ANK3: variants seen among roughly 807,000 people sequenced by gnomAD.
ANK3 encodes the protein ankyrin-3.
ANK3 carries 57 observed loss-of-function variants against 370.9 expected under a neutral mutation model. The observed-to-expected ratio is 0.15, with a 90% CI of 0.12 to 0.19. ANK3 has a LOEUF of 0.19. Ranked by LOEUF, ANK3 falls within the 10% of genes least tolerant of loss-of-function variation. The pLI is 1.00. For missense variants in ANK3, 4,439 were observed against 5,302.1 expected, an observed-to-expected ratio of 0.84 and a Z score of 5.06; for synonymous variants, 1,929 against 1,946.3, an observed-to-expected ratio of 0.99 and a Z score of 0.23.
At chr10:60,057,624 C>T (rs989027439) in intron 41 of ANK3, among the ~76,000 whole-genome samples, 4 of 152,110 alleles carry the variant, frequency 2.6e-5, no homozygotes, top group African/African-American at 4.8e-5. Context: ...GTTCTCCTAC[C>T]CTGCATATTC....
At chr10:60,682,461 T>C (rs565441563) in intron 1 of ANK3, among the ~76,000 whole-genome samples, 1 of 152,076 alleles carries the variant, frequency 6.6e-6, no homozygotes, top group Non-Finnish European at 1.5e-5. Flanking sequence ...AGTTCCTGGC[T>C]CCGGACTCCC....
intron 1 of ANK3, among the ~76,000 whole-genome samples, chr10:60,352,122 C>T (rs1308256724): frequency 3.9e-5 from 6 of 152,074 alleles, no homozygotes; most frequent in Non-Finnish European, 4.4e-5. Context: ...ATGGTGAAAC[C>T]GTGTCTCTTC....
chr10:60,272,526 C>T (rs894299319), intron 4 of ANK3, among the ~76,000 whole-genome samples: 6 of 151,834 alleles, frequency 4.0e-5, no homozygotes, highest in Non-Finnish European at 8.8e-5. Flanking sequence ...GTCGCCCAAG[C>T]TGGAGTGCAG....
chr10:60,653,130 G>A lies in ANK3; in HGVS notation c.58-37906C>T, dbSNP rs77343033. Among the ~76,000 whole-genome samples, 498 of 151,988 alleles carry A rather than the reference G, an allele frequency of 3.3e-3. 4 individuals carry two copies. The highest frequency in any genetic ancestry group is 0.011 in the African/African-American group (466 of 41,450). On this transcript the variant is annotated intron_variant, in intron 1 of 43. Transcript: ENST00000373827. ...TTTCTGTTTTCTTAATATTTTTCAA[G>A]AAGCAAAAGTTTTTATCCTGAGAGT...
intron 19 of ANK3, 39 bp downstream of exon 19, chr10:60,173,049 T>C (rs765895918): frequency 6.2e-7 from 1 of 1,610,420 alleles, no homozygotes; most frequent in Non-Finnish European, 8.5e-7. Flanking sequence ...GAAGCAAAAA[T>C]AAATGATTCT....
intron 1 of ANK3, among the ~76,000 whole-genome samples, chr10:60,638,256 A>G (rs918360064): frequency 1.3e-5 from 2 of 152,180 alleles, no homozygotes; most frequent in African/African-American, 4.8e-5. Context: ...CATCAGCCAG[A>G]GTGGAGAGAC....
chr10:60,162,305 G>C (rs886164706), intron 23 of ANK3, among the ~76,000 whole-genome samples: 1 of 152,070 alleles, frequency 6.6e-6, no homozygotes, highest in Non-Finnish European at 1.5e-5. Context: ...CTAGACTTTG[G>C]GGGCAGGGGA....
rs1589171549 is a variant in ANK3, at chr10:60,044,148, G to A, written c.13066-1389C>T. 6.1e-6 allele frequency: 6 copies of A among 985,436 alleles called. No homozygotes were observed. In the South Asian group the frequency reaches 1.9e-4, roughly 31 times the overall value. The allele number at this position is 985,436 out of a possible 1,614,324, so 61.0% of individuals were successfully genotyped here. A position where few individuals can be genotyped will look rare whatever the true frequency, so the allele number is the denominator to read the frequency against. ...TTCCGAGTGATCTGTAGGAAGTAAT[G>A]GTGAAAAGTAGAGATTTTTCTGTTT... On this transcript the variant is annotated intron_variant, in intron 42 of 43. Coordinates refer to ENST00000280772, the MANE Select transcript of ANK3 (RefSeq NM_020987.5).
chr10:60,622,904 C>A (rs1177806227), intron 1 of ANK3, among the ~76,000 whole-genome samples: 2 of 152,146 alleles, frequency 1.3e-5, no homozygotes, highest in African/African-American at 4.8e-5. Flanking sequence ...GCATACTGAC[C>A]AAAGAACGCA....
chr10:60,210,593 C>T (rs1021599406), intron 9 of ANK3, among the ~76,000 whole-genome samples: 1 of 152,190 alleles, frequency 6.6e-6, no homozygotes, highest in African/African-American at 2.4e-5. Flanking sequence ...TGATCAAACA[C>T]AGCAGGTGTA....
chr10:60,480,805 T>C (rs974628519), intron 2 of ANK3, among the ~76,000 whole-genome samples: 1 of 152,208 alleles, frequency 6.6e-6, no homozygotes, highest in Non-Finnish European at 1.5e-5. Flanking sequence ...TCCCCCAAGC[T>C]CTGTGCAAAC....
Position 60,108,912 on chromosome 10 carries a change from C to G in ANK3, c.3091G>C (p.Ala1031Pro), listed in dbSNP as rs1331681162. Reference sequence around the variant, plus strand: ...CCTTCCACCATGGGGGGTGGGTTGGCCAGTTTATGTCTCTTTACCAAACGG... The same window carrying G: ...CCTTCCACCATGGGGGGTGGGTTGGGCAGTTTATGTCTCTTTACCAAACGG... ...TCRLVKRHKLANPPPMVEGEG... is the reference protein window; with the variant it reads ...TCRLVKRHKLPNPPPMVEGEG... Residue 1031 changes from alanine (A) to proline (P), a missense_variant, in exon 27 of 44, where the codon GCC (alanine) becomes CCC (proline). Coordinates refer to ENST00000280772, the MANE Select transcript of ANK3 (RefSeq NM_020987.5). The G allele has an allele frequency of 9.9e-6, 16 of 1,614,064 alleles. No individual in the cohort carries two copies. The highest frequency in any genetic ancestry group is 1.4e-5 in the Non-Finnish European group (16 of 1,179,986).
intron 11 of ANK3, among the ~76,000 whole-genome samples, chr10:60,204,943 GAC>G (rs1291510582): frequency 6.6e-6 from 1 of 152,148 alleles, no homozygotes; most frequent in Non-Finnish European, 1.5e-5. Flanking sequence ...AAGGGGGTGT[GAC>G]ACACAGAGGC....
At chr10:60,333,655 T>A (rs1593976343) in intron 1 of ANK3, among the ~76,000 whole-genome samples, 1 of 152,220 alleles carries the variant, frequency 6.6e-6, no homozygotes, top group Non-Finnish European at 1.5e-5. Context: ...CCTTTGGGTA[T>A]ACACCCAGTA....
At chr10:60,142,471 C>T (rs1443246912) in intron 23 of ANK3, among the ~76,000 whole-genome samples, 1 of 152,010 alleles carries the variant, frequency 6.6e-6, no homozygotes, top group Non-Finnish European at 1.5e-5. Flanking sequence ...TGGAAGTTCT[C>T]ATAAATAATC....
chr10:60,320,896 G>A (rs1382699745), intron 1 of ANK3, among the ~76,000 whole-genome samples: 1 of 152,064 alleles, frequency 6.6e-6, no homozygotes, highest in Admixed American at 6.6e-5. Context: ...ACTCTCTACT[G>A]GGTATGTGTA....
intron 1 of ANK3, among the ~76,000 whole-genome samples, chr10:60,631,266 C>G (rs1487478945): frequency 6.6e-6 from 1 of 152,028 alleles, no homozygotes; most frequent in East Asian, 1.9e-4. Flanking sequence ...TGGTGGCTCA[C>G]GCCTGTAATC....
chr10:60,387,861 G>A (rs1000945516), intron 1 of ANK3, among the ~76,000 whole-genome samples: 4 of 152,144 alleles, frequency 2.6e-5, no homozygotes, highest in Non-Finnish European at 4.4e-5. Context: ...CACTGCTACC[G>A]AAAACTGCTG....
chr10:60,224,836 T>C (rs933179735), intron 8 of ANK3, among the ~76,000 whole-genome samples: 2 of 152,128 alleles, frequency 1.3e-5, no homozygotes, highest in African/African-American at 2.4e-5. Flanking sequence ...GCTATGATGA[T>C]AGTGAAAGAT....
Sources: gnomAD v4.1 joint callset for allele counts (sites outside exome capture counted in the v4.1 genomes callset) on GRCh38, gnomAD v4.1.1 for gene constraint, MANE v1.5 for transcripts, NCBI Gene and HGNC (gene_info 2026-07-23, HGNC 2026-07-21) for gene names.